Variants in LRP1B observed in about 807,000 individuals in gnomAD.
The protein encoded by LRP1B is low-density lipoprotein receptor-related protein 1B.
LRP1B carries 217 observed loss-of-function variants against 556.6 expected under a neutral mutation model. That is an observed-to-expected ratio of 0.39 (90% CI 0.35 to 0.44). LRP1B has a LOEUF of 0.44. LRP1B is among the 20% of genes least tolerant of loss of function. The pLI is 1.00. For synonymous variants in LRP1B, 2,047 were observed against 1,865.8 expected, an observed-to-expected ratio of 1.10 and a Z score of -2.50; for missense variants, 5,053 against 5,620.8, an observed-to-expected ratio of 0.90 and a Z score of 3.23.
chr2:140,485,665 G>A (rs542385793), intron 58 of LRP1B, 141 bp from the exon 59 acceptor site: 11 of 570,520 alleles, frequency 1.9e-5, no homozygotes, highest in South Asian at 6.5e-5. Context: ...ATAATTGACC[G>A]CAATACAATT....
intron 1 of LRP1B, among the ~76,000 whole-genome samples, chr2:142,119,067 C>G (rs1354055537): frequency 1.3e-5 from 2 of 152,144 alleles, no homozygotes; most frequent in Non-Finnish European, 2.9e-5. Context: ...GCTCTTTACA[C>G]AACAAATAAA....
intron 41 of LRP1B, among the ~76,000 whole-genome samples, chr2:140,689,102 A>G (rs1014631654): frequency 6.6e-5 from 10 of 152,258 alleles, no homozygotes; most frequent in African/African-American, 2.4e-4. Flanking sequence ...GGCATTCAGT[A>G]CAGTGTTAAA....
chr2:141,966,748 T>C (rs137963616), intron 1 of LRP1B, among the ~76,000 whole-genome samples: 5 of 151,920 alleles, frequency 3.3e-5, no homozygotes, highest in East Asian at 2.0e-4. Flanking sequence ...GACTCTACTA[T>C]ACTTCTGTCA....
chr2:140,391,613 T>C (rs915271182), intron 66 of LRP1B, among the ~76,000 whole-genome samples: 2 of 152,170 alleles, frequency 1.3e-5, no homozygotes, highest in African/African-American at 4.8e-5. Flanking sequence ...AGTCCCTGAA[T>C]ACTTAGGTAT....
chr2:140,756,977 G>T (rs1325222814), intron 35 of LRP1B, among the ~76,000 whole-genome samples: 1 of 152,004 alleles, frequency 6.6e-6, no homozygotes, highest in Non-Finnish European at 1.5e-5. Flanking sequence ...AAAAGACAAA[G>T]ACCCCAGTAA....
chr2:140,615,066 C>G (rs2105235325), intron 41 of LRP1B, among the ~76,000 whole-genome samples: 1 of 152,226 alleles, frequency 6.6e-6, no homozygotes, highest in Non-Finnish European at 1.5e-5. Context: ...ACAGAGGCCA[C>G]AAGATTTATG....
At chr2:142,105,976 T>C (rs1008702456) in intron 1 of LRP1B, among the ~76,000 whole-genome samples, 1 of 152,166 alleles carries the variant, frequency 6.6e-6, no homozygotes, top group African/African-American at 2.4e-5. Flanking sequence ...TCTACTTTTC[T>C]TACGGCATTT....
At chr2:141,248,271 A>T (rs986771862) in intron 4 of LRP1B, among the ~76,000 whole-genome samples, 1 of 152,192 alleles carries the variant, frequency 6.6e-6, no homozygotes, top group African/African-American at 2.4e-5. Flanking sequence ...TTATGTACGA[A>T]GCACTGTACT....
At chr2:140,662,808 T>A (rs1311289393) in intron 41 of LRP1B, among the ~76,000 whole-genome samples, 1 of 152,168 alleles carries the variant, frequency 6.6e-6, no homozygotes, top group Non-Finnish European at 1.5e-5. Context: ...CATCATTCCT[T>A]CTGACAGAAA....
Position 140,234,766 on chromosome 2 carries a change from A to C in LRP1B, c.13659+20T>G, listed in dbSNP as rs1680620579. ...TTCTGTGATGAAACGGACATGAAAT[A>C]ACGAATATTCTTCTCTCACCCCAGC... is the stretch of plus-strand genomic sequence containing the variant. On this transcript the variant is annotated intron_variant, in intron 90 of 90. Transcript: ENST00000389484. The C allele has an allele frequency of 1.3e-6, 1 of 771,280 alleles. No individual in the cohort carries two copies. Among genetic ancestry groups the C allele is most frequent in the Non-Finnish European group, 2.4e-6 (1 of 413,092 alleles). 47.8% of individuals were successfully genotyped at this position (771,280 alleles called of 1,614,324 possible).
At chr2:140,541,585 A>G (rs1680133855) in intron 44 of LRP1B, among the ~76,000 whole-genome samples, 194 bp downstream of exon 44, 1 of 152,154 alleles carries the variant, frequency 6.6e-6, no homozygotes, top group African/African-American at 2.4e-5. Context: ...AGATAATTTC[A>G]ATATTTTGAA....
At chr2:140,452,431 G>A (rs1686924144) in intron 62 of LRP1B, among the ~76,000 whole-genome samples, 1 of 151,900 alleles carries the variant, frequency 6.6e-6, no homozygotes, top group African/African-American at 2.4e-5. Flanking sequence ...AATTTCTCCT[G>A]GTATATCAAA....
In LRP1B at chr2:140,883,920, G is replaced by C. The variant is rs2105187195; in HGVS notation, c.4066C>G (p.Leu1356Val). The change falls in exon 25 of 91, where the codon CTG (leucine) becomes GTG (valine). Residue 1356 changes from leucine to valine, a missense_variant. By Grantham distance (32) the Leu-to-Val change is conservative (BLOSUM62 1). Around this residue, in one of 5 missense-constraint regions of LRP1B, gnomAD observed 3,619 missense variants for 3,931.9 expected, o/e 0.92. Coordinates refer to ENST00000389484, the MANE Select transcript of LRP1B (RefSeq NM_018557.3). ...AGTTTGGCCACTTCGATTTGGTCCA[G>C]ATTGCTGTCTATCCAGTATATGTTT... Reference protein sequence around the residue: ...AGNIYWIDSNLDQIEVAKLDG... With the variant: ...AGNIYWIDSNVDQIEVAKLDG... The C allele has an allele frequency of 6.2e-7, 1 of 1,613,848 alleles. No homozygotes were observed. The highest frequency in any genetic ancestry group is 1.7e-4 in the Middle Eastern group (1 of 5,958).
At chr2:140,559,821 G>A (rs1386767235) in intron 43 of LRP1B, among the ~76,000 whole-genome samples, 2 of 150,136 alleles carry the variant, frequency 1.3e-5, no homozygotes, top group African/African-American at 4.9e-5. Flanking sequence ...GGAGATTTCT[G>A]GTTAATAAAT....
chr2:140,399,176 C>CACACACACACACACACACACACACACA (rs377687105), intron 66 of LRP1B, among the ~76,000 whole-genome samples: 1,597 of 151,788 alleles, frequency 0.011, 30 homozygotes, highest in African/African-American at 0.036. Context: ...CACACACACA[C>CACACACACACACACACACACACACACA]ACACACACAC....
Position 141,818,751 on chromosome 2 carries a change from T to C in LRP1B, c.83-8350A>G, listed in dbSNP as rs113618066. Among the ~76,000 whole-genome samples the C allele has an allele frequency of 7.9e-3, 1,189 of 151,210 alleles. 21 individuals are homozygous for C. Among genetic ancestry groups the C allele is most frequent in the African/African-American group, 0.027 (1,102 of 41,260 alleles). On this transcript the variant is annotated intron_variant, in intron 1 of 90. Coordinates refer to ENST00000389484, the MANE Select transcript of LRP1B (RefSeq NM_018557.3). ...CGGGGTTTCACCGTGTTAGCCAGGA[T>C]GGTCTCGATCTCCTGACCTCGTGAT...
At chr2:140,659,662 C>A (rs751756451) in intron 41 of LRP1B, among the ~76,000 whole-genome samples, 2 of 151,868 alleles carry the variant, frequency 1.3e-5, no homozygotes, top group Non-Finnish European at 2.9e-5. Flanking sequence ...GGCTGAGATA[C>A]AAAGGAAGGT....
chr2:140,890,433 C>T (rs1693764405), intron 23 of LRP1B, among the ~76,000 whole-genome samples: 1 of 152,048 alleles, frequency 6.6e-6, no homozygotes. Flanking sequence ...CACATGTTTT[C>T]TTTGAACAAT....
intron 35 of LRP1B, among the ~76,000 whole-genome samples, chr2:140,727,410 C>T (rs78628500): frequency 0.048 from 7,305 of 152,200 alleles, 278 homozygotes; most frequent in East Asian, 0.22. Context: ...CCATTTTTGG[C>T]ATACAACTGA....
Sources: allele counts gnomAD v4.1 joint callset (sites outside exome capture counted in the v4.1 genomes callset), GRCh38; gene constraint gnomAD v4.1.1; regional missense constraint gnomAD v4.1.1; transcripts MANE v1.5; gene names NCBI Gene and HGNC (gene_info 2026-07-23, HGNC 2026-07-21).